The following MARK2 variants were observed in gnomAD, a reference collection of about 807,000 sequenced individuals.
MARK2 encodes the protein serine/threonine-protein kinase MARK2.
In MARK2, 16 loss-of-function variants were observed where a neutral mutation model predicts 89.8. The observed-to-expected ratio is 0.18, with a 90% CI of 0.12 to 0.27. The LOEUF is 0.27. MARK2 is among the 10% of genes least tolerant of loss of function. The pLI, the probability that MARK2 is intolerant of heterozygous loss-of-function variation, is 1.00. For synonymous variants in MARK2, 382 were observed against 399.5 expected, an observed-to-expected ratio of 0.96 and a Z score of 0.52; for missense variants, 621 against 1,049.9, an observed-to-expected ratio of 0.59 and a Z score of 5.65.
intron 1 of MARK2, among the ~76,000 whole-genome samples, chr11:63,872,051 A>G (rs1938482282): frequency 6.6e-6 from 1 of 152,196 alleles, no homozygotes; most frequent in Admixed American, 6.5e-5. Flanking sequence ...CACTCCTGCC[A>G]CCGGAGGTTC....
At chr11:63,863,557 T>C (rs1203226685) in intron 1 of MARK2, among the ~76,000 whole-genome samples, 1 of 148,920 alleles carries the variant, frequency 6.7e-6, no homozygotes, top group South Asian at 2.1e-4. Flanking sequence ...CTCTGCCTCC[T>C]GGGTTCAAGT....
intron 1 of MARK2, among the ~76,000 whole-genome samples, chr11:63,886,121 T>A (rs1260790466): frequency 6.7e-6 from 1 of 148,760 alleles, no homozygotes; most frequent in Non-Finnish European, 1.5e-5. Context: ...AGAGTGAGAC[T>A]CTATCTCAAA....
chr11:63,842,746 C>T (rs1475553101), intron 1 of MARK2, among the ~76,000 whole-genome samples: 1 of 151,996 alleles, frequency 6.6e-6, no homozygotes, highest in Non-Finnish European at 1.5e-5. Context: ...CCTAAAGGTC[C>T]TCTGTCACCT....
intron 1 of MARK2, chr11:63,869,303 C>CGGCA (rs975270354): frequency 1.1e-4 from 17 of 161,834 alleles, no homozygotes; most frequent in East Asian, 3.6e-4. Context: ...TACCTGCTCG[C>CGGCA]GGCAGGCAGG....
At chr11:63,887,717 C>T (rs1368583181) in intron 1 of MARK2, among the ~76,000 whole-genome samples, 2 of 115,806 alleles carry the variant, frequency 1.7e-5, no homozygotes, top group African/African-American at 5.1e-5. Context: ...AGACAGGGGT[C>T]GTTGGTCTAG....
chr11:63,869,100 C>G (rs550381334), intron 1 of MARK2, among the ~76,000 whole-genome samples: 35 of 152,178 alleles, frequency 2.3e-4, no homozygotes, highest in African/African-American at 8.4e-4. Flanking sequence ...TGTCATCTGA[C>G]TTTTGAATCT....
intron 1 of MARK2, among the ~76,000 whole-genome samples, chr11:63,880,451 G>A (rs1376233929): frequency 6.6e-6 from 1 of 152,188 alleles, no homozygotes; most frequent in African/African-American, 2.4e-5. Flanking sequence ...AACTCTTAGT[G>A]TGGCAAACAA....
Position 63,906,131 on chromosome 11 carries a change from CTGTG to C in MARK2, c.1961+39_1961+42del, listed in dbSNP as rs535377951. The C allele has an allele frequency of 9.9e-3, 10,119 of 1,017,406 alleles. No homozygotes were observed. Among genetic ancestry groups the C allele is most frequent in the East Asian group, 0.031 (490 of 15,744 alleles). 63.0% of individuals were successfully genotyped at this position (1,017,406 alleles called of 1,614,324 possible). A position where few individuals can be genotyped will look rare whatever the true frequency, so the allele number is the denominator to read the frequency against. ...TGCCAGAAGGTAGGCGTTGAGCCCG[CTGTG>C]TGTGTGTGTGTGTGTGTGTGTCTGT... On this transcript the variant is annotated intron_variant, in intron 17 of 18. Coordinates refer to ENST00000402010, the MANE Select transcript of MARK2 (RefSeq NM_001039469.3).
intron 1 of MARK2, among the ~76,000 whole-genome samples, chr11:63,843,631 CTT>C (rs901548970): frequency 2.0e-5 from 3 of 146,462 alleles, no homozygotes; most frequent in Non-Finnish European, 3.0e-5. Context: ...ATATAAAACT[CTT>C]TTTTTTTTTG....
chr11:63,857,504 T>C (rs1225376821), intron 1 of MARK2, among the ~76,000 whole-genome samples: 1 of 152,232 alleles, frequency 6.6e-6, no homozygotes, highest in East Asian at 1.9e-4. Context: ...CTGTTTTGTT[T>C]TGATTGCATT....
chr11:63,905,755 A>G (rs1941273030), intron 16 of MARK2, among the ~76,000 whole-genome samples: 1 of 152,162 alleles, frequency 6.6e-6, no homozygotes, highest in Non-Finnish European at 1.5e-5. Context: ...CCATCCTGCC[A>G]TTCCTCTCCC....
chr11:63,897,628 G>C (rs1044224604), intron 3 of MARK2, among the ~76,000 whole-genome samples: 1 of 152,218 alleles, frequency 6.6e-6, no homozygotes, highest in Non-Finnish European at 1.5e-5. Flanking sequence ...GAAATACATG[G>C]TTTGGAGCCC....
intron 1 of MARK2, among the ~76,000 whole-genome samples, chr11:63,878,045 C>A (rs1938869898): frequency 6.6e-6 from 1 of 152,238 alleles, no homozygotes; most frequent in Non-Finnish European, 1.5e-5. Flanking sequence ...ACTGCAGCAG[C>A]AGTGGCAAGC....
rs866984908 is a variant in MARK2 at position 63,858,188 on chromosome 11, G to A, written c.54+18628G>A. 2.6e-5 allele frequency among the ~76,000 whole-genome samples: 4 copies of A among 152,036 alleles called. No homozygotes were observed. The East Asian group carries it at 7.7e-4, about 29-fold the overall frequency. Reference sequence around the variant, plus strand: ...ATTACAGGTGCACAGCACCACACTTGGCTCATTTTTGTATTTTTAGTAGAG... The same window carrying A: ...ATTACAGGTGCACAGCACCACACTTAGCTCATTTTTGTATTTTTAGTAGAG... On this transcript the variant is annotated intron_variant, in intron 1 of 18. Coordinates refer to ENST00000402010, the MANE Select transcript of MARK2 (RefSeq NM_001039469.3).
Position 63,904,522 on chromosome 11 carries a change from C to T in MARK2, c.1677-264C>T, listed in dbSNP as rs746883966. Among the ~76,000 whole-genome samples the T allele has an allele frequency of 3.3e-5, 5 of 152,190 alleles. No homozygotes were observed. Among genetic ancestry groups the T allele is most frequent in the Admixed American group, 2.0e-4 (3 of 15,298 alleles). On this transcript the variant is annotated intron_variant, in intron 15 of 18. Coordinates refer to ENST00000402010, the MANE Select transcript of MARK2 (RefSeq NM_001039469.3). The surrounding 1 kb of genome is among the most constrained non-coding windows in gnomAD (Gnocchi z 6.3). ...CAGTCTGCCCGGCTCCCAGGGAGCC[C>T]GCTGTCTCCAGCCTAAACCACACTC...
At chr11:63,854,817 A>G (rs1236235947) in intron 1 of MARK2, among the ~76,000 whole-genome samples, 2 of 151,760 alleles carry the variant, frequency 1.3e-5, no homozygotes, top group African/African-American at 2.4e-5. Flanking sequence ...CATCCCAAAA[A>G]AAAAAAAAAA....
chr11:63,908,312 G>C lies in MARK2; in HGVS notation c.2006+8G>C. The C allele has an allele frequency of 6.4e-7, 1 of 1,559,754 alleles. No homozygotes were observed. Among genetic ancestry groups the C allele is most frequent in the Non-Finnish European group, 8.7e-7 (1 of 1,151,252 alleles). On this transcript the variant is annotated splice_region_variant and intron_variant, in intron 18 of 18. Coordinates refer to ENST00000402010, the MANE Select transcript of MARK2 (RefSeq NM_001039469.3). Reference sequence around the variant, plus strand: ...CCGAGTGGAGACGCTCAGGTGAGAGGGCTGGAGCCAGCACTGGCCCTGCCC... The same window carrying C: ...CCGAGTGGAGACGCTCAGGTGAGAGCGCTGGAGCCAGCACTGGCCCTGCCC...
At chr11:63,870,216 G>A (rs555720318) in intron 1 of MARK2, among the ~76,000 whole-genome samples, 23 of 152,288 alleles carry the variant, frequency 1.5e-4, no homozygotes, top group African/African-American at 5.5e-4. Context: ...GGTGCCAGAG[G>A]CCCTAGGGAA....
chr11:63,894,784 A>G (rs1337904921), intron 1 of MARK2, among the ~76,000 whole-genome samples: 1 of 152,224 alleles, frequency 6.6e-6, no homozygotes, highest in Non-Finnish European at 1.5e-5. Flanking sequence ...TGTAGCTACC[A>G]TGACTTTGAG....
Sources: allele counts gnomAD v4.1 joint callset (sites outside exome capture counted in the v4.1 genomes callset), GRCh38; gene constraint gnomAD v4.1.1; non-coding constraint Gnocchi (gnomAD v3.1); transcripts MANE v1.5; gene names NCBI Gene and HGNC (gene_info 2026-07-23, HGNC 2026-07-21).